ALG6: variants seen among roughly 807,000 people sequenced by gnomAD.
The protein encoded by ALG6 is ALG6 alpha-1,3-glucosyltransferase.
ALG6 carries 46 observed loss-of-function variants against 66.6 expected under a neutral mutation model. That is an observed-to-expected ratio of 0.69 (90% CI 0.55 to 0.88). The LOEUF is 0.88. ALG6 is among the 40% of genes least tolerant of loss of function. The probability of loss-of-function intolerance (pLI) is 0.00; values close to 1 mark genes in which losing one functional copy is unlikely to be tolerated. For missense variants in ALG6, 505 were observed against 586.8 expected, an observed-to-expected ratio of 0.86 and a Z score of 1.44; for synonymous variants, 185 against 203.7, an observed-to-expected ratio of 0.91 and a Z score of 0.78.
chr1:63,402,095 C>T (rs532538510), intron 3 of ALG6, among the ~76,000 whole-genome samples, 159 bp from the exon 4 acceptor site: 2 of 152,136 alleles, frequency 1.3e-5, no homozygotes, highest in South Asian at 4.2e-4. Context: ...CTAGGAGAGT[C>T]CTGGTTTGTG....
At chr1:63,420,860 CA>C (rs59787354) in intron 12 of ALG6, among the ~76,000 whole-genome samples, 29,828 of 125,736 alleles carry the variant, frequency 0.24, 3,297 homozygotes, top group African/African-American at 0.35. Context: ...GACTCTGTCT[CA>C]AAAAAAAAAA....
At chr1:63,387,898 G>A (rs1242276508) in intron 2 of ALG6, among the ~76,000 whole-genome samples, 1 of 151,676 alleles carries the variant, frequency 6.6e-6, no homozygotes, top group Admixed American at 6.6e-5. Context: ...ATGTAAGTAT[G>A]GCTACTCCTG....
chr1:63,411,042 C>A, intron 7 of ALG6, 104 bp from the exon 8 acceptor site: 1 of 1,104,014 alleles, frequency 9.1e-7, no homozygotes, highest in Non-Finnish European at 1.3e-6. Flanking sequence ...AAGAGATATG[C>A]TATGAGCTTG....
intron 2 of ALG6, among the ~76,000 whole-genome samples, chr1:63,389,607 C>T (rs1393821878): frequency 2.6e-5 from 4 of 152,086 alleles, no homozygotes; most frequent in African/African-American, 9.7e-5. Context: ...TGGTGAGGTC[C>T]TGTTTTTCTG....
Position 63,414,095 on chromosome 1 carries a change from T to A in ALG6, c.851T>A (p.Val284Asp). The change falls in exon 10 of 15, where the codon GTC becomes GAC. Residue 284 changes from valine to aspartate, a missense_variant. Coordinates refer to ENST00000263440, the MANE Select transcript of ALG6 (RefSeq NM_013339.4). The part of the protein sequence containing the change: ...KVANIWCSFN[V>D]FLKIKDILPR... ...GCCAATATTTGGTGCAGCTTCAATG[T>A]CTTTCTGAAGATTAAGGATATTTTG... is the stretch of plus-strand genomic sequence containing the variant. 6.2e-7 allele frequency: 1 copy of A among 1,613,242 alleles called. No individual in the cohort carries two copies. The highest frequency in any genetic ancestry group is 1.1e-5 in the South Asian group (1 of 91,068).
rs1407785912 is a variant in ALG6, at chr1:63,415,922, C to T, written c.952C>T (p.Leu318Phe). ...SLLPACIKLI[L>F]QPSSKGFKFT... ...GCTTCCTGCATGCATAAAATTAATA[C>T]TTCAGCCCTCTTCCAAAGGATTCAA... Residue 318 changes from leucine (L) to phenylalanine (F), a missense_variant, in exon 11 of 15, where the codon CTT becomes TTT. By Grantham distance (22) the Leu-to-Phe change is conservative. Transcript: ENST00000263440. 2 of 1,612,106 alleles carry T rather than the reference C, an allele frequency of 1.2e-6. No homozygotes were observed. The highest frequency in any genetic ancestry group is 8.5e-7 in the Non-Finnish European group (1 of 1,178,502).
intron 3 of ALG6, among the ~76,000 whole-genome samples, chr1:63,399,912 T>A (rs1368443048): frequency 2.0e-5 from 3 of 151,784 alleles, no homozygotes; most frequent in South Asian, 4.1e-4. Context: ...ATATCTAAAG[T>A]AAGGCCGGGC....
chr1:63,399,786 G>T (rs573153440), intron 3 of ALG6, among the ~76,000 whole-genome samples: 3 of 151,850 alleles, frequency 2.0e-5, no homozygotes, highest in Non-Finnish European at 4.4e-5. Context: ...TTTATAATTC[G>T]TGTGGCAGCC....
intron 2 of ALG6, among the ~76,000 whole-genome samples, chr1:63,395,522 C>T (rs1376868201): frequency 6.6e-6 from 1 of 152,006 alleles, no homozygotes; most frequent in East Asian, 1.9e-4. Flanking sequence ...ATGGTGAAAC[C>T]GGTCTCTAAT....
At chr1:63,430,132 T>G (rs1644638277) in intron 14 of ALG6, among the ~76,000 whole-genome samples, 1 of 152,142 alleles carries the variant, frequency 6.6e-6, no homozygotes, top group Non-Finnish European at 1.5e-5. Context: ...CTGCCGGCCT[T>G]GGCCTCCCAA....
intron 12 of ALG6, among the ~76,000 whole-genome samples, chr1:63,425,807 G>C (rs1269118161): frequency 6.6e-6 from 1 of 152,086 alleles, no homozygotes. Context: ...TGATTATAAT[G>C]ATTGACCTTA....
intron 2 of ALG6, among the ~76,000 whole-genome samples, chr1:63,385,508 G>A (rs1169928549): frequency 6.6e-6 from 1 of 152,104 alleles, no homozygotes; most frequent in Non-Finnish European, 1.5e-5. Flanking sequence ...ACCACGCCCG[G>A]CCTTGAGCCA....
rs182996799 is a variant in ALG6 at position 63,384,030 on chromosome 1, A to G, written c.83-12483A>G. ...TCTTTTTTATGGCTGAATCCATTGC[A>G]TATACATTTTATTTATTCATTCGTC... On this transcript the variant is annotated intron_variant, in intron 2 of 14. Transcript: ENST00000263440. 3.0e-3 allele frequency among the ~76,000 whole-genome samples: 451 copies of G among 152,284 alleles called. 3 individuals carry two copies. The highest frequency in any genetic ancestry group is 0.01 in the African/African-American group (433 of 41,564).
intron 12 of ALG6, among the ~76,000 whole-genome samples, chr1:63,422,090 T>C (rs1324196550): frequency 8.9e-4 from 103 of 115,722 alleles, no homozygotes; most frequent in African/African-American, 3.6e-3. Flanking sequence ...TAAATAAATA[T>C]ATAAATATAT....
chr1:63,388,765 T>A (rs373428886), intron 2 of ALG6, among the ~76,000 whole-genome samples: 46 of 152,330 alleles, frequency 3.0e-4, no homozygotes, highest in African/African-American at 1.0e-3. Context: ...CTAGTGTTGA[T>A]GAAATCCCTC....
intron 12 of ALG6, among the ~76,000 whole-genome samples, chr1:63,422,465 A>G (rs1239460788): frequency 4.2e-5 from 3 of 71,622 alleles, no homozygotes; most frequent in Non-Finnish European, 7.4e-5. Context: ...AAATATAAAT[A>G]TATATATAAA....
intron 12 of ALG6, among the ~76,000 whole-genome samples, chr1:63,422,361 ATATAAATATATATAAG>A (rs1438261545): frequency 1.2e-5 from 1 of 81,728 alleles, no homozygotes; most frequent in Non-Finnish European, 2.2e-5. Flanking sequence ...ATCTATATAA[ATATAAATATATATAAG>A]TATAAATATA....
intron 11 of ALG6, among the ~76,000 whole-genome samples, chr1:63,419,069 G>T (rs943859667): frequency 1.3e-5 from 2 of 152,026 alleles, no homozygotes; most frequent in Admixed American, 6.6e-5. Context: ...AGATTCCAGG[G>T]GAGGATGAAT....
chr1:63,414,988 T>A (rs766421074), intron 10 of ALG6, among the ~76,000 whole-genome samples: 1 of 152,220 alleles, frequency 6.6e-6, no homozygotes, highest in Non-Finnish European at 1.5e-5. Context: ...AGATCCCTTT[T>A]GATTAATTTA....
Sources: allele counts gnomAD v4.1 joint callset (sites outside exome capture counted in the v4.1 genomes callset), GRCh38; gene constraint gnomAD v4.1.1; transcripts MANE v1.5; gene names NCBI Gene and HGNC (gene_info 2026-07-23, HGNC 2026-07-21).